Variants in PTHLH observed in about 807,000 individuals in gnomAD.
PTHLH encodes the protein parathyroid hormone-related protein.
In PTHLH, 5 loss-of-function variants were observed where a neutral mutation model predicts 18.6. The observed-to-expected ratio is 0.27, with a 90% CI of 0.14 to 0.56. The LOEUF is 0.56. PTHLH is among the 20% of genes least tolerant of loss of function. The pLI is 0.92. For missense variants in PTHLH, 207 were observed against 223.9 expected, an observed-to-expected ratio of 0.92 and a Z score of 0.48; for synonymous variants, 90 against 94.0, an observed-to-expected ratio of 0.96 and a Z score of 0.25.
At position 27,959,522 on chromosome 12, in the gene PTHLH, C is replaced by G. The variant is rs1376525946; in HGVS notation, c.525-954G>C. ...TCCCTTTCTCTTCTCTTTGTGTGGT[C>G]TATGTATTTGTTCCCAAGGAAACAA... is the stretch of plus-strand genomic sequence containing the variant. On this transcript the variant is annotated intron_variant, in intron 5 of 5. Coordinates refer to ENST00000545234, the MANE Select transcript of PTHLH (RefSeq NM_198965.2). 3.9e-5 allele frequency among the ~76,000 whole-genome samples: 6 copies of G among 151,918 alleles called. No individual in the cohort carries two copies. In the East Asian group the frequency reaches 1.2e-3, roughly 29 times the overall value.
At chr12:27,961,320 T>TATATATATATAC (rs1437066937) in intron 5 of PTHLH, among the ~76,000 whole-genome samples, 1 of 100,882 alleles carries the variant, frequency 9.9e-6, no homozygotes, top group African/African-American at 3.5e-5. Context: ...TATATATATA[T>TATATATATATAC]ACGTATATAT....
At chr12:27,970,938 C>T (rs1269930112) in intron 2 of PTHLH, among the ~76,000 whole-genome samples, 1 of 152,218 alleles carries the variant, frequency 6.6e-6, no homozygotes, top group African/African-American at 2.4e-5. Flanking sequence ...AGAACAAAAA[C>T]AGTTCCAGAT....
chr12:27,962,275 A>AG (rs1770273701), intron 5 of PTHLH: 1 of 244,758 alleles, frequency 4.1e-6, no homozygotes, highest in African/African-American at 2.3e-5. Context: ...AATAGATTAT[A>AG]GATAGGTAGA....
chr12:27,972,425 T>C (rs550542159), intron 1 of PTHLH, 98 bp downstream of exon 1: 1 of 152,312 alleles, frequency 6.6e-6, no homozygotes, highest in South Asian at 2.1e-4. Context: ...TTTTAGAATT[T>C]CCTCTCCTCC....
chr12:27,961,859 T>C (rs1212270498), intron 5 of PTHLH: 1 of 655,138 alleles, frequency 1.5e-6, no homozygotes, highest in Non-Finnish European at 2.7e-6. Flanking sequence ...CATCATCCTA[T>C]AATCCTATCT....
chr12:27,963,216 C>T, intron 5 of PTHLH, 132 bp downstream of exon 5: 1 of 1,546,156 alleles, frequency 6.5e-7, no homozygotes, highest in Admixed American at 2.0e-5. Flanking sequence ...TATTCTCTGT[C>T]AATTGCTACA....
chr12:27,970,622 C>G (rs2062863474), intron 2 of PTHLH, among the ~76,000 whole-genome samples: 1 of 151,972 alleles, frequency 6.6e-6, no homozygotes, highest in Non-Finnish European at 1.5e-5. Flanking sequence ...ATCCGGGAGC[C>G]GAGATCCCCG....
intron 5 of PTHLH, 90 bp from the exon 6 acceptor site, chr12:27,958,658 G>A: frequency 7.9e-7 from 1 of 1,271,964 alleles, no homozygotes. Flanking sequence ...ATAAGCTAAG[G>A]AATGCAAAAT....
chr12:27,967,145 A>G (rs2062821560), intron 4 of PTHLH, among the ~76,000 whole-genome samples: 1 of 152,354 alleles, frequency 6.6e-6, no homozygotes, highest in East Asian at 1.9e-4. Context: ...GAATCTGTGG[A>G]GTTCCCTCTC....
chr12:27,961,598 C>T lies in PTHLH; in HGVS notation c.524+1750G>A, dbSNP rs190363101. ...AGTTATAAATATATACAGTTAGGAT[C>T]CTATCTTAAAACACACTAAATATGT... is the stretch of plus-strand genomic sequence containing the variant. On this transcript the variant is annotated intron_variant, in intron 5 of 5. Coordinates refer to ENST00000545234, the MANE Select transcript of PTHLH (RefSeq NM_198965.2). 28 of 210,624 alleles carry T rather than the reference C, an allele frequency of 1.3e-4. No individual in the cohort carries two copies. In the Admixed American group the frequency reaches 1.5e-3, roughly 12 times the overall value. The allele number at this position is 210,624 out of a possible 1,614,324, so 13.0% of individuals were successfully genotyped here. A position where few individuals can be genotyped will look rare whatever the true frequency, so the allele number is the denominator to read the frequency against.
At chr12:27,961,719 C>T (rs907243464) in intron 5 of PTHLH, 1 of 468,818 alleles carries the variant, frequency 2.1e-6, no homozygotes, top group Admixed American at 3.9e-5. Flanking sequence ...TTTTCTAGTG[C>T]CACTGCCCAT....
chr12:27,970,574 C>T (rs2062862783), intron 2 of PTHLH, among the ~76,000 whole-genome samples: 1 of 152,040 alleles, frequency 6.6e-6, no homozygotes, highest in African/African-American at 2.4e-5. Flanking sequence ...CATCCGCTTG[C>T]TCCCTCCAGG....
chr12:27,960,155 T>C (rs1283694784), intron 5 of PTHLH, among the ~76,000 whole-genome samples: 2 of 152,186 alleles, frequency 1.3e-5, no homozygotes, highest in Non-Finnish European at 2.9e-5. Flanking sequence ...GATCTAAAAG[T>C]GTATGTGTAT....
At position 27,970,224 on chromosome 12, in the gene PTHLH, G is replaced by A; in HGVS notation, c.-222C>T. On this transcript the variant is annotated 5_prime_UTR_variant, in exon 3 of 6. Transcript: ENST00000545234. ...GCCGGGCGGCGCAGGTTGGAGGCGAGTTGAAAACCGAGCGGAGGAATGTTC... is the reference window on the plus strand; with the variant it reads ...GCCGGGCGGCGCAGGTTGGAGGCGAATTGAAAACCGAGCGGAGGAATGTTC... The A allele has an allele frequency of 2.1e-6, 1 of 487,046 alleles. No homozygotes were observed. The highest frequency in any genetic ancestry group is 4.1e-6 in the Non-Finnish European group (1 of 244,992). The allele number at this position is 487,046 out of a possible 1,614,324, so 30.2% of individuals were successfully genotyped here.
intron 5 of PTHLH, chr12:27,963,085 A>G: frequency 1.5e-6 from 2 of 1,372,566 alleles, no homozygotes; most frequent in Non-Finnish European, 1.9e-6. Flanking sequence ...AGAGTGGTAA[A>G]GGATTGATGT....
At chr12:27,968,768 T>C (rs1409033778) in intron 4 of PTHLH, among the ~76,000 whole-genome samples, 1 of 152,122 alleles carries the variant, frequency 6.6e-6, no homozygotes, top group Non-Finnish European at 1.5e-5. Context: ...AAAAAAAAGG[T>C]TCCACACCTA....
intron 4 of PTHLH, among the ~76,000 whole-genome samples, chr12:27,968,616 T>C (rs986746472): frequency 5.3e-5 from 8 of 152,260 alleles, no homozygotes; most frequent in African/African-American, 1.9e-4. Flanking sequence ...GATATTTCTC[T>C]GGTGTGCTTG....
chr12:27,969,177 G>C, intron 4 of PTHLH: 1 of 585,748 alleles, frequency 1.7e-6, no homozygotes, highest in South Asian at 2.0e-5. Context: ...CACACATAAA[G>C]TCTCTCTCTT....
rs1016379995 is a variant in PTHLH at position 27,958,466 on chromosome 12, G to C, written c.*93C>G. The stretch of plus-strand genomic sequence containing the variant: ...ACAGTTTTATTCCAATGCATTTACA[G>C]TATTTACAGACAATAAATATTTCTA... On this transcript the variant is annotated 3_prime_UTR_variant, in exon 6 of 6. Coordinates refer to ENST00000545234, the MANE Select transcript of PTHLH (RefSeq NM_198965.2). 3 of 1,234,400 alleles carry C rather than the reference G, an allele frequency of 2.4e-6. No individual in the cohort carries two copies. In the African/African-American group the frequency reaches 4.6e-5, roughly 19 times the overall value. 76.5% of individuals were successfully genotyped at this position (1,234,400 alleles called of 1,614,324 possible). A position where few individuals can be genotyped will look rare whatever the true frequency, so the allele number is the denominator to read the frequency against.
Sources: allele counts gnomAD v4.1 joint callset (sites outside exome capture counted in the v4.1 genomes callset), GRCh38; gene constraint gnomAD v4.1.1; transcripts MANE v1.5; gene names NCBI Gene and HGNC (gene_info 2026-07-23, HGNC 2026-07-21).